The following FMN2 variants were observed in gnomAD, a reference collection of about 807,000 sequenced individuals.
FMN2 encodes the protein formin 2, also known as formin-2.
Under a neutral mutation model 142.3 loss-of-function variants are expected in FMN2, and 51 were observed. That is an observed-to-expected ratio of 0.36 (90% confidence interval 0.29 to 0.45). The LOEUF (loss-of-function observed/expected upper bound fraction) is 0.45, where lower values mean the gene tolerates loss of function less well. Among genes scored for constraint, FMN2 ranks in the 20% least tolerant of loss-of-function variants. The probability of loss-of-function intolerance (pLI) is 1.00; values close to 1 mark genes in which losing one functional copy is unlikely to be tolerated. For missense variants in FMN2, 1,936 were observed against 2,122.8 expected, an observed-to-expected ratio of 0.91 and a Z score of 1.73; for synonymous variants, 882 against 869.8, an observed-to-expected ratio of 1.01 and a Z score of -0.25.
At chr1:240,435,185 G>A (rs982205835) in intron 15 of FMN2, among the ~76,000 whole-genome samples, 8 of 151,902 alleles carry the variant, frequency 5.3e-5, no homozygotes, top group African/African-American at 1.9e-4. Context: ...TACTACTTCA[G>A]TTTATAACTT....
At chr1:240,265,948 C>T (rs1376889936) in intron 7 of FMN2, among the ~76,000 whole-genome samples, 2 of 148,220 alleles carry the variant, frequency 1.3e-5, no homozygotes, top group Non-Finnish European at 3.0e-5. Context: ...TTTCATTGCC[C>T]TGAACAGACT....
intron 6 of FMN2, among the ~76,000 whole-genome samples, chr1:240,228,358 A>C (rs1667417012): frequency 6.7e-6 from 1 of 149,190 alleles, no homozygotes; most frequent in South Asian, 2.1e-4. Context: ...AAAGAAAGAA[A>C]AAAAATGGGC....
In FMN2 at chr1:240,330,716, C is replaced by G. The variant is rs1409501877; in HGVS notation, c.4551C>G (p.Asp1517Glu). 6.2e-7 allele frequency: 1 copy of G among 1,613,944 alleles called. No individual in the cohort carries two copies. The highest frequency in any genetic ancestry group is 2.2e-5 in the East Asian group (1 of 44,830). The change falls in exon 11 of 18, where the codon GAC (aspartate) becomes GAG (glutamate). Residue 1517 changes from aspartate (D) to glutamate (E), a missense_variant. Around this residue, in one of 8 missense-constraint regions of FMN2, gnomAD observed 322 missense variants for 401.6 expected, o/e 0.80. Transcript: ENST00000319653. ...GACAGGCAGATGGCTTTGGATTAGA[C>G]ATTCTTCCAAAACTGAAAGATGTCA... Reference protein sequence around the residue: ...TRGQADGFGLDILPKLKDVKS... With the variant: ...TRGQADGFGLEILPKLKDVKS...
Position 240,237,892 on chromosome 1 carries a change from A to G in FMN2, c.4066-20053A>G, listed in dbSNP as rs980947195. The stretch of plus-strand genomic sequence containing the variant: ...TTAAGAGAATTACACTAGGCTTGGG[A>G]AAACAAACTTTCATAATCCCAAATA... On this transcript the variant is annotated intron_variant, in intron 6 of 17. Coordinates refer to ENST00000319653, the MANE Select transcript of FMN2 (RefSeq NM_020066.5). 1.1e-4 allele frequency among the ~76,000 whole-genome samples: 17 copies of G among 152,164 alleles called. 1 individual carries two copies. Among genetic ancestry groups the G allele is most frequent in the Admixed American group, 8.5e-4 (13 of 15,264 alleles).
rs191351201 is a variant in FMN2, at chr1:240,353,027, G to A, written c.4766-2789G>A. Among the ~76,000 whole-genome samples, 8 of 152,268 alleles carry A rather than the reference G, an allele frequency of 5.3e-5. No homozygotes were observed. The East Asian group carries it at 1.5e-3, about 29-fold the overall frequency. On this transcript the variant is annotated intron_variant, in intron 13 of 17. Transcript: ENST00000319653. ...TGTAAACACTAGCCATCCCTGTTAG[G>A]TAGAACTAACATCTCTCTCTAACTT...
At chr1:240,362,793 G>T (rs542967949) in intron 14 of FMN2, among the ~76,000 whole-genome samples, 3 of 152,186 alleles carry the variant, frequency 2.0e-5, no homozygotes, top group South Asian at 4.2e-4. Flanking sequence ...TTAAAAAAAG[G>T]AGTGGGGGCT....
At chr1:240,194,896 C>A (rs991687939) in intron 4 of FMN2, among the ~76,000 whole-genome samples, 14 of 152,210 alleles carry the variant, frequency 9.2e-5, no homozygotes, top group African/African-American at 3.4e-4. Flanking sequence ...ACTCTGTGTG[C>A]CTTAGTTTTC....
intron 4 of FMN2, among the ~76,000 whole-genome samples, chr1:240,196,724 G>A (rs1665925127): frequency 6.6e-6 from 1 of 152,090 alleles, no homozygotes; most frequent in South Asian, 2.1e-4. Flanking sequence ...TGTTGGCCAG[G>A]CTGGTCTCAA....
At chr1:240,147,728 CT>C (rs1328115421) in intron 2 of FMN2, among the ~76,000 whole-genome samples, 14 of 152,154 alleles carry the variant, frequency 9.2e-5, no homozygotes, top group Non-Finnish European at 1.5e-4. Context: ...TACTGTAGCT[CT>C]TATTTATGAC....
rs374302458 is a variant in FMN2, at chr1:240,428,042, G to A, written c.4911-10019G>A. Reference sequence around the variant, plus strand: ...TATTCAATTGTGTGTTTCTTATACAGGAAATGCAGGATTCTTTCCTTTAGT... The same window carrying A: ...TATTCAATTGTGTGTTTCTTATACAAGAAATGCAGGATTCTTTCCTTTAGT... On this transcript the variant is annotated intron_variant, in intron 15 of 17. Coordinates refer to ENST00000319653, the MANE Select transcript of FMN2 (RefSeq NM_020066.5). Among the ~76,000 whole-genome samples, 8 of 151,728 alleles carry A rather than the reference G, an allele frequency of 5.3e-5. No individual in the cohort carries two copies. In the East Asian group the frequency reaches 1.2e-3, roughly 22 times the overall value.
intron 1 of FMN2, among the ~76,000 whole-genome samples, chr1:240,105,200 C>A (rs1361330297): frequency 1.4e-5 from 2 of 146,914 alleles, no homozygotes; most frequent in Admixed American, 7.0e-5. Context: ...CCTCAACCTC[C>A]TGGGTTCAAG....
chr1:240,152,480 C>A (rs1443505915), intron 2 of FMN2, among the ~76,000 whole-genome samples: 1 of 152,072 alleles, frequency 6.6e-6, no homozygotes, highest in Non-Finnish European at 1.5e-5. Flanking sequence ...GGGTGGGTTC[C>A]ATATGCTTAA....
intron 2 of FMN2, among the ~76,000 whole-genome samples, chr1:240,146,358 C>A (rs1460143838): frequency 2.3e-5 from 3 of 131,716 alleles, no homozygotes; most frequent in Non-Finnish European, 4.7e-5. Flanking sequence ...TGTGCCACTG[C>A]ACTCCAGCCT....
chr1:240,447,631 A>T (rs1031170901), intron 16 of FMN2, among the ~76,000 whole-genome samples: 7 of 152,350 alleles, frequency 4.6e-5, no homozygotes, highest in Admixed American at 6.5e-5. Flanking sequence ...TATGGCAAAA[A>T]CTGCAATTAC....
At chr1:240,334,480 G>C (rs1283428574) in intron 13 of FMN2, among the ~76,000 whole-genome samples, 1 of 152,126 alleles carries the variant, frequency 6.6e-6, no homozygotes, top group Non-Finnish European at 1.5e-5. Context: ...TCAGGAATAA[G>C]TTTACATTTT....
chr1:240,416,563 C>T lies in FMN2; in HGVS notation c.4911-21498C>T, dbSNP rs192572732. On this transcript the variant is annotated intron_variant, in intron 15 of 17. Transcript: ENST00000319653. ...GGGATTACAGGCGTGAGCCACCATG[C>T]GCCCAGCCTCCCTTTCCATTCTTTG... Among the ~76,000 whole-genome samples, 55 of 152,272 alleles carry T rather than the reference C, an allele frequency of 3.6e-4. 1 individual carries two copies. The Middle Eastern group carries it at 0.01, about 28-fold the overall frequency.
Position 240,419,457 on chromosome 1 carries a change from C to T in FMN2, c.4911-18604C>T, listed in dbSNP as rs924837710. On this transcript the variant is annotated intron_variant, in intron 15 of 17. Transcript: ENST00000319653. ...GGGTTATTCCTCAAACACCTGAGGG[C>T]ATCAATCCCAGTTGTGTACCCAGAG... Among the ~76,000 whole-genome samples, 4 of 152,210 alleles carry T rather than the reference C, an allele frequency of 2.6e-5. No individual in the cohort carries two copies. In the South Asian group the frequency reaches 8.3e-4, roughly 32 times the overall value.
At chr1:240,097,599 C>T (rs1159435653) in intron 1 of FMN2, among the ~76,000 whole-genome samples, 1 of 152,172 alleles carries the variant, frequency 6.6e-6, no homozygotes, top group African/African-American at 2.4e-5. Context: ...TCGTGATCCG[C>T]CCGCCTCGGC....
At chr1:240,261,545 T>C (rs993427073) in intron 7 of FMN2, among the ~76,000 whole-genome samples, 11 of 152,144 alleles carry the variant, frequency 7.2e-5, no homozygotes, top group African/African-American at 2.7e-4. Flanking sequence ...AGTGCTCCAT[T>C]AGAGTAATTA....
Sources: gnomAD v4.1 joint callset for allele counts (sites outside exome capture counted in the v4.1 genomes callset) on GRCh38, gnomAD v4.1.1 for gene constraint, gnomAD v4.1.1 regional missense constraint, MANE v1.5 for transcripts, NCBI Gene and HGNC (gene_info 2026-07-23, HGNC 2026-07-21) for gene names.